KCTD2: variants seen among roughly 807,000 people sequenced by gnomAD.
KCTD2 encodes potassium channel tetramerization domain containing 2, also known as BTB/POZ domain-containing protein KCTD2.
Under a neutral mutation model 27.9 loss-of-function variants are expected in KCTD2, and 18 were observed. The observed-to-expected ratio is 0.64, with a 90% CI of 0.45 to 0.96. The LOEUF (loss-of-function observed/expected upper bound fraction) is 0.96, where lower values mean the gene tolerates loss of function less well. Among genes scored for constraint, KCTD2 ranks in the 40% least tolerant of loss-of-function variants. The pLI is 0.00. For synonymous variants in KCTD2, 175 were observed against 148.4 expected (o/e 1.18, Z -1.30); for missense variants, 280 against 348.0 (o/e 0.80, Z 1.56).
chr17:75,043,992 A>G (rs964063895), upstream of KCTD2, among the ~76,000 whole-genome samples: 1 of 150,150 alleles, frequency 6.7e-6, no homozygotes, highest in Admixed American at 6.6e-5. Flanking sequence ...ACATCGGATT[A>G]TACCCTAGCA....
intron 3 of KCTD2, among the ~76,000 whole-genome samples, chr17:75,056,938 TTTTTTTC>T (rs1346068940): frequency 2.1e-5 from 3 of 145,932 alleles, no homozygotes; most frequent in Admixed American, 1.4e-4. Context: ...TCTGTTTCTT[TTTTTTTC>T]TTTTTTCTTT....
intron 4 of KCTD2, among the ~76,000 whole-genome samples, chr17:75,061,412 C>T (rs965778899): frequency 8.5e-5 from 13 of 152,114 alleles, no homozygotes; most frequent in South Asian, 4.1e-4. Context: ...TGGGAGGCCA[C>T]GGTGGGAGGA....
upstream of KCTD2, chr17:75,042,444 C>T (rs1192866596): frequency 2.2e-5 from 35 of 1,556,254 alleles, no homozygotes; most frequent in Non-Finnish European, 3.0e-5. Flanking sequence ...ATAAGGGCAT[C>T]AAGAATTCAT....
intron 2 of KCTD2, 88 bp from the exon 3 acceptor site, chr17:75,052,926 T>C: frequency 1.1e-6 from 1 of 949,722 alleles, no homozygotes; most frequent in Non-Finnish European, 1.7e-6. Flanking sequence ...TAAGCAGTTT[T>C]TAGCAAGCAT....
intron 1 of KCTD2, 70 bp from the exon 2 acceptor site, chr17:75,049,150 A>G (rs2073259645): frequency 1.1e-6 from 1 of 927,804 alleles, no homozygotes; most frequent in African/African-American, 1.6e-5. Flanking sequence ...AAGATGGTGA[A>G]ATCCTGCCCT....
intron 3 of KCTD2, among the ~76,000 whole-genome samples, chr17:75,054,346 G>T (rs2073326721): frequency 6.6e-6 from 1 of 152,112 alleles, no homozygotes; most frequent in African/African-American, 2.4e-5. Flanking sequence ...ACAGTAACAA[G>T]AGCGAAAGGG....
At chr17:75,036,059 TTTC>T (rs1385025851) in intron 3 of KCTD2, 2 of 454,256 alleles carry the variant, frequency 4.4e-6, no homozygotes, top group South Asian at 1.6e-5. Flanking sequence ...TTTTTTTCTT[TTTC>T]TTCTTCCCTG....
intron 3 of KCTD2, among the ~76,000 whole-genome samples, chr17:75,058,010 A>T (rs2073366522): frequency 6.6e-6 from 1 of 151,546 alleles, no homozygotes; most frequent in East Asian, 2.0e-4. Flanking sequence ...AACATGGCGA[A>T]ATCCCGTCTC....
At position 75,064,338 on chromosome 17, in the gene KCTD2, CTT is replaced by C. The variant is rs2073435551; in HGVS notation, c.*1293_*1294del. 1 of 152,296 alleles carries C rather than the reference CTT, an allele frequency of 6.6e-6. No individual in the cohort carries two copies. The highest frequency in any genetic ancestry group is 2.4e-5 in the African/African-American group (1 of 41,474). 9.4% of individuals were successfully genotyped at this position (152,296 alleles called of 1,614,324 possible). A position where few individuals can be genotyped will look rare whatever the true frequency, so the allele number is the denominator to read the frequency against. On this transcript the variant is annotated 3_prime_UTR_variant, in exon 6 of 6. Transcript: ENST00000322444. ...AGGGGACCCTGTCTGCCCCGAATAA[CTT>C]TCAGTAGTATGGCAGATGGCACAGA...
chr17:75,055,575 T>G (rs1467406232), intron 3 of KCTD2, among the ~76,000 whole-genome samples: 1 of 151,702 alleles, frequency 6.6e-6, no homozygotes, highest in East Asian at 2.0e-4. Context: ...GGCTCATGCC[T>G]GTAATCCCAG....
Position 75,063,058 on chromosome 17 carries a change from C to G in KCTD2, c.*11C>G. ...GGATCGCGGATGTAAACTAAGACCC[C>G]GAAAACTCCAGACCTTCAGGAGAGC... On this transcript the variant is annotated 3_prime_UTR_variant, in exon 6 of 6. Coordinates refer to ENST00000322444, the MANE Select transcript of KCTD2 (RefSeq NM_015353.3). The G allele has an allele frequency of 2.5e-6, 4 of 1,613,536 alleles. No homozygotes were observed. The highest frequency in any genetic ancestry group is 3.4e-6 in the Non-Finnish European group (4 of 1,179,672).
intron 3 of KCTD2, among the ~76,000 whole-genome samples, chr17:75,037,695 G>C (rs1474824072): frequency 6.6e-6 from 1 of 152,090 alleles, no homozygotes. Flanking sequence ...ATTGCCTGAC[G>C]TTGCTCAGGT....
chr17:75,061,373 G>T (rs181437586), intron 4 of KCTD2, among the ~76,000 whole-genome samples: 1 of 152,316 alleles, frequency 6.6e-6, no homozygotes, highest in East Asian at 1.9e-4. Context: ...TGCTGGGCAC[G>T]GTGGTTCACA....
chr17:75,039,128 G>A, intron 3 of KCTD2: 1 of 1,611,944 alleles, frequency 6.2e-7, no homozygotes, highest in Non-Finnish European at 8.5e-7. Flanking sequence ...ATCCAAGGCA[G>A]GTTCCTGCCA....
intron 2 of KCTD2, among the ~76,000 whole-genome samples, chr17:75,051,640 A>T (rs1598122776): frequency 7.2e-6 from 1 of 139,278 alleles, no homozygotes. Context: ...CCCCCTCCCT[A>T]CCCCCATCCT....
Position 75,039,345 on chromosome 17 carries a change from G to A in KCTD2, c.-259+3988G>A, listed in dbSNP as rs371294671. The stretch of plus-strand genomic sequence containing the variant: ...CCCAGCAGCTGCTAAGGTAGGAGTC[G>A]TCCCAGCCCACTCCTGCTGTCCTAT... On this transcript the variant is annotated intron_variant, in intron 3 of 7. Coordinates refer to the KCTD2 transcript ENST00000581589. 8.3e-5 allele frequency: 112 copies of A among 1,357,230 alleles called. No individual in the cohort carries two copies. The African/African-American group carries it at 8.3e-4, about 10-fold the overall frequency. The allele number at this position is 1,357,230 out of a possible 1,614,324, so 84.1% of individuals were successfully genotyped here.
chr17:75,062,873 G>A (rs2073418604), intron 5 of KCTD2, 145 bp from the exon 6 acceptor site: 3 of 782,232 alleles, frequency 3.8e-6, no homozygotes, highest in South Asian at 1.6e-5. Context: ...CAGAAGCACT[G>A]CGGGTGAGGC....
intron 3 of KCTD2, among the ~76,000 whole-genome samples, chr17:75,058,741 T>C (rs986550036): frequency 1.3e-5 from 2 of 151,680 alleles, no homozygotes; most frequent in African/African-American, 2.4e-5. Context: ...GGAGTTGCAG[T>C]GAGCTGAGAT....
At chr17:75,036,397 A>G (rs183388178) in intron 3 of KCTD2, among the ~76,000 whole-genome samples, 2 of 152,254 alleles carry the variant, frequency 1.3e-5, no homozygotes, top group Non-Finnish European at 2.9e-5. Flanking sequence ...TTGTGATTAC[A>G]GGCGTGAGCC....
Sources: gnomAD v4.1 joint callset for allele counts (sites outside exome capture counted in the v4.1 genomes callset) on GRCh38, gnomAD v4.1.1 for gene constraint, MANE v1.5 for transcripts, NCBI Gene and HGNC (gene_info 2026-07-23, HGNC 2026-07-21) for gene names.